Variants in ADGRG5 observed in about 807,000 individuals in gnomAD.
The protein encoded by ADGRG5 is G protein-coupled receptor 114.
In ADGRG5, 37 loss-of-function variants were observed where a neutral mutation model predicts 53.2. That is an observed-to-expected ratio of 0.70 (90% CI 0.53 to 0.91). The LOEUF (loss-of-function observed/expected upper bound fraction) is 0.91, where lower values mean the gene tolerates loss of function less well. Among genes scored for constraint, ADGRG5 ranks in the 40% least tolerant of loss-of-function variants. The probability of loss-of-function intolerance (pLI) is 0.00; values close to 1 mark genes in which losing one functional copy is unlikely to be tolerated. For synonymous variants in ADGRG5, 277 were observed against 290.4 expected (o/e 0.95, Z 0.47); for missense variants, 614 against 675.8 (o/e 0.91, Z 1.01).
the ADGRG5 span, among the ~76,000 whole-genome samples, chr16:57,533,695 C>T: frequency 6.6e-6 from 1 of 151,960 alleles, no homozygotes; most frequent in Non-Finnish European, 1.5e-5. Flanking sequence ...CAGTAACGTG[C>T]ACACACACAC....
At chr16:57,532,922 G>T in the ADGRG5 span, among the ~76,000 whole-genome samples, 2 of 152,220 alleles carry the variant, frequency 1.3e-5, no homozygotes, top group Non-Finnish European at 2.9e-5. Context: ...CCTTCTTGCA[G>T]CCGCTGAACT....
rs750042252 is a variant in ADGRG5 at position 57,562,197 on chromosome 16, G to C, written c.64+40G>C. The C allele has an allele frequency of 3.2e-6, 5 of 1,557,872 alleles. No homozygotes were observed. The East Asian group carries it at 1.1e-4, about 35-fold the overall frequency. ...CTGAACTGGGGGCAGCCCTAGCCCAGTCGTGGGACTGTGATGCAAAAGGGG... is the reference window on the plus strand; with the variant it reads ...CTGAACTGGGGGCAGCCCTAGCCCACTCGTGGGACTGTGATGCAAAAGGGG... On this transcript the variant is annotated intron_variant, in intron 2 of 11. Coordinates refer to ENST00000349457, the MANE Select transcript of ADGRG5 (RefSeq NM_001304376.3).
At chr16:57,540,531 G>A (rs1287104966), upstream of ADGRG5, among the ~76,000 whole-genome samples, 3 of 152,102 alleles carry the variant, frequency 2.0e-5, no homozygotes, top group Non-Finnish European at 4.4e-5. Flanking sequence ...CATCCAGAGT[G>A]TTTTGTAGAG....
At chr16:57,559,929 C>T (rs2032963962) in intron 1 of ADGRG5, among the ~76,000 whole-genome samples, 1 of 152,164 alleles carries the variant, frequency 6.6e-6, no homozygotes, top group African/African-American at 2.4e-5. Context: ...CATATTAAAT[C>T]ATGTAGCGGC....
intron 7 of ADGRG5, 109 bp from the exon 8 acceptor site, chr16:57,567,361 T>C: frequency 2.3e-6 from 3 of 1,288,632 alleles, no homozygotes; most frequent in Non-Finnish European, 3.2e-6. Flanking sequence ...ATGGCTAGGC[T>C]TGTGGGGAAG....
chr16:57,544,484 A>T (rs574608328), intron 1 of ADGRG5, among the ~76,000 whole-genome samples: 8 of 152,060 alleles, frequency 5.3e-5, no homozygotes, highest in African/African-American at 1.9e-4. Context: ...TGCCTGGGGG[A>T]GGTATCACTT....
chr16:57,575,870 T>C lies in ADGRG5; in HGVS notation c.*332T>C. ...CAAGGACTGTCTTTGAGTCTGTCTGTATGACCTTGGGCCTGCCACTTCTCA... is the reference window on the plus strand; with the variant it reads ...CAAGGACTGTCTTTGAGTCTGTCTGCATGACCTTGGGCCTGCCACTTCTCA... On this transcript the variant is annotated 3_prime_UTR_variant, in exon 12 of 12. Coordinates refer to ENST00000349457, the MANE Select transcript of ADGRG5 (RefSeq NM_001304376.3). 1 of 286,744 alleles carries C rather than the reference T, an allele frequency of 3.5e-6. No individual in the cohort carries two copies. The highest frequency in any genetic ancestry group is 5.0e-5 in the South Asian group (1 of 19,996). The allele number at this position is 286,744 out of a possible 1,614,324, so 17.8% of individuals were successfully genotyped here. A position where few individuals can be genotyped will look rare whatever the true frequency, so the allele number is the denominator to read the frequency against.
At chr16:57,547,590 G>A (rs1360807979) in intron 1 of ADGRG5, among the ~76,000 whole-genome samples, 22 of 152,086 alleles carry the variant, frequency 1.4e-4, no homozygotes, top group African/African-American at 4.6e-4. Flanking sequence ...GATTACAGGC[G>A]CCTGCCACCA....
At chr16:57,530,578 C>T in the ADGRG5 span, among the ~76,000 whole-genome samples, 7 of 152,142 alleles carry the variant, frequency 4.6e-5, no homozygotes, top group East Asian at 1.9e-4. Flanking sequence ...ACCTCATTCT[C>T]GGCAGATGAT....
intron 1 of ADGRG5, among the ~76,000 whole-genome samples, chr16:57,555,791 C>G (rs2146777861): frequency 6.6e-6 from 1 of 152,220 alleles, no homozygotes; most frequent in East Asian, 1.9e-4. Flanking sequence ...TGGTTTGGCT[C>G]TGGGTCCCCA....
At chr16:57,534,215 C>G in the ADGRG5 span, among the ~76,000 whole-genome samples, 1 of 152,176 alleles carries the variant, frequency 6.6e-6, no homozygotes, top group African/African-American at 2.4e-5. Flanking sequence ...GCCTGGCAAG[C>G]TGCCATCTCT....
intron 3 of ADGRG5, 60 bp from the exon 4 acceptor site, chr16:57,563,031 C>G (rs1400026634): frequency 6.3e-7 from 1 of 1,588,648 alleles, no homozygotes; most frequent in South Asian, 1.1e-5. Flanking sequence ...GTCTACAGCC[C>G]CCTCTCACCC....
chr16:57,566,483 G>C, intron 6 of ADGRG5, 116 bp from the exon 7 acceptor site: 1 of 928,088 alleles, frequency 1.1e-6, no homozygotes, highest in Admixed American at 3.0e-5. Flanking sequence ...GCCAGCCAGT[G>C]CCTGGTAAAA....
intron 1 of ADGRG5, among the ~76,000 whole-genome samples, chr16:57,546,285 C>T (rs1376480890): frequency 6.6e-6 from 1 of 152,152 alleles, no homozygotes; most frequent in African/African-American, 2.4e-5. Context: ...GCACCATGCT[C>T]AGCTAATGTT....
chr16:57,563,175 T>A lies in ADGRG5; in HGVS notation c.225T>A (p.Ser75=). The A allele has an allele frequency of 6.2e-7, 1 of 1,614,118 alleles. No individual in the cohort carries two copies. The highest frequency in any genetic ancestry group is 8.5e-7 in the Non-Finnish European group (1 of 1,179,978). ...NLTLQTPTIQ[S]LAFKLSCDFS... ...CCTTGCAGACACCCACCATCCAGTC[T>A]CTGGCCTTCAAGCTGAGCTGTGACT... Residue 75 remains serine, a synonymous_variant, in exon 4 of 12, where the codon TCT becomes TCA. Coordinates refer to ENST00000349457, the MANE Select transcript of ADGRG5 (RefSeq NM_001304376.3).
chr16:57,559,676 T>C lies in ADGRG5; in HGVS notation c.-38-2380T>C, dbSNP rs535642852. On this transcript the variant is annotated intron_variant, in intron 1 of 11. Transcript: ENST00000349457. ...GATCATGTGTTTCATCCATCAAAGA[T>C]AATGTGTTCTAGTTACCTCCAGAAA... 7.9e-5 allele frequency among the ~76,000 whole-genome samples: 12 copies of C among 152,220 alleles called. No individual in the cohort carries two copies. The South Asian group carries it at 1.2e-3, about 16-fold the overall frequency.
upstream of ADGRG5, among the ~76,000 whole-genome samples, chr16:57,539,098 A>G (rs2032451262): frequency 1.3e-5 from 2 of 152,224 alleles, no homozygotes; most frequent in Non-Finnish European, 2.9e-5. Context: ...AGATGAATGA[A>G]CAAAATGTAA....
In ADGRG5 at chr16:57,542,653, C is replaced by T. The variant is rs1557834; in HGVS notation, c.-87C>T. ...CTTCCCCTTCTTCCTGCAGAAGCTACAAGACAGCAGCCGAGACAGCAGCTG... is the reference window on the plus strand; with the variant it reads ...CTTCCCCTTCTTCCTGCAGAAGCTATAAGACAGCAGCCGAGACAGCAGCTG... On this transcript the variant is annotated 5_prime_UTR_variant, in exon 1 of 12. Coordinates refer to ENST00000349457, the MANE Select transcript of ADGRG5 (RefSeq NM_001304376.3). The T allele has an allele frequency of 1.6e-5, 1 of 63,280 alleles. No individual in the cohort carries two copies. Among genetic ancestry groups the T allele is most frequent in the Non-Finnish European group, 3.1e-5 (1 of 32,510 alleles). The allele number at this position is 63,280 out of a possible 1,614,324, so 3.9% of individuals were successfully genotyped here.
rs1402120576 is a variant in ADGRG5, at chr16:57,566,732, CCTA to C, written c.683_685del (p.Tyr228del). The C allele has an allele frequency of 6.4e-7, 1 of 1,556,494 alleles. No homozygotes were observed. The highest frequency in any genetic ancestry group is 1.4e-5 in the African/African-American group (1 of 72,758). On this transcript the variant is annotated inframe_deletion, in exon 7 of 12. Transcript: ENST00000349457. ...GTGCTCTGCCGCTGCAACCACCTCA[CCTA>C]CTTTGCTGTTCTCATGGTATGTATG...
Sources: gnomAD v4.1 joint callset for allele counts (sites outside exome capture counted in the v4.1 genomes callset) on GRCh38, gnomAD v4.1.1 for gene constraint, MANE v1.5 for transcripts, NCBI Gene and HGNC (gene_info 2026-07-23, HGNC 2026-07-21) for gene names.